The following AGBL4 variants were observed in gnomAD, a reference collection of about 807,000 sequenced individuals.
AGBL4 encodes the protein cytosolic carboxypeptidase 6.
AGBL4 carries 58 observed loss-of-function variants against 66.4 expected under a neutral mutation model. That is an observed-to-expected ratio of 0.87 (90% CI 0.71 to 1.09). AGBL4 has a LOEUF of 1.09. AGBL4 is among the 50% of genes least tolerant of loss of function. The pLI, the probability that AGBL4 is intolerant of heterozygous loss-of-function variation, is 0.00. For missense variants in AGBL4, 579 were observed against 631.0 expected, an observed-to-expected ratio of 0.92 and a Z score of 0.88; for synonymous variants, 234 against 222.9, an observed-to-expected ratio of 1.05 and a Z score of -0.44.
intron 3 of AGBL4, among the ~76,000 whole-genome samples, chr1:49,694,565 T>C (rs1392901737): frequency 6.6e-6 from 1 of 151,958 alleles, no homozygotes; most frequent in Non-Finnish European, 1.5e-5. Context: ...ACAGGGAAAA[T>C]ATTGGTCCCT....
At chr1:49,642,074 GA>G (rs1210610687) in intron 3 of AGBL4, among the ~76,000 whole-genome samples, 4 of 151,670 alleles carry the variant, frequency 2.6e-5, no homozygotes, top group African/African-American at 9.7e-5. Flanking sequence ...GGAGCAATTA[GA>G]GTAATATTTT....
At chr1:49,074,411 C>T (rs757759562) in intron 4 of AGBL4, among the ~76,000 whole-genome samples, 48 of 152,198 alleles carry the variant, frequency 3.2e-4, no homozygotes, top group Non-Finnish European at 6.3e-4. Context: ...ACTGTCCAAC[C>T]AGTCCCAATG....
At chr1:48,901,514 A>G (rs1652076715) in intron 5 of AGBL4, among the ~76,000 whole-genome samples, 2 of 152,336 alleles carry the variant, frequency 1.3e-5, no homozygotes, top group South Asian at 4.1e-4. Context: ...TGGTATATCT[A>G]TACAATAAAA....
chr1:49,918,110 G>A (rs1490003001), intron 1 of AGBL4, among the ~76,000 whole-genome samples: 2 of 152,040 alleles, frequency 1.3e-5, no homozygotes, highest in Non-Finnish European at 2.9e-5. Flanking sequence ...TTTATAGCAC[G>A]AAATGCCAAC....
At chr1:49,424,381 C>A (rs1487074524) in intron 3 of AGBL4, among the ~76,000 whole-genome samples, 1 of 152,154 alleles carries the variant, frequency 6.6e-6, no homozygotes, top group African/African-American at 2.4e-5. Context: ...TTATATTAGT[C>A]CTGCCTTAGG....
At chr1:49,893,328 A>G (rs1016575565) in intron 1 of AGBL4, among the ~76,000 whole-genome samples, 23 of 152,154 alleles carry the variant, frequency 1.5e-4, no homozygotes, top group African/African-American at 5.5e-4. Context: ...CACCAAATTT[A>G]ACAACTATCT....
intron 5 of AGBL4, among the ~76,000 whole-genome samples, chr1:49,044,031 GC>G (rs1644013271): frequency 6.6e-6 from 1 of 152,180 alleles, no homozygotes; most frequent in Non-Finnish European, 1.5e-5. Flanking sequence ...TGTCCAATAA[GC>G]CTCTTTTAGG....
At chr1:49,551,722 G>A (rs1652970395) in intron 3 of AGBL4, among the ~76,000 whole-genome samples, 1 of 152,210 alleles carries the variant, frequency 6.6e-6, no homozygotes, top group Non-Finnish European at 1.5e-5. Context: ...TGGACTCCAT[G>A]AGAGTTCTTA....
chr1:48,596,435 T>C (rs1448859381), intron 9 of AGBL4, among the ~76,000 whole-genome samples: 1 of 152,178 alleles, frequency 6.6e-6, no homozygotes, highest in Non-Finnish European at 1.5e-5. Context: ...ATTCTTTTCA[T>C]TATTAACTAA....
In AGBL4 at chr1:48,736,619, C is replaced by T. The variant is rs79132760; in HGVS notation, c.635-73378G>A. On this transcript the variant is annotated intron_variant, in intron 6 of 13. Coordinates refer to ENST00000371839, the MANE Select transcript of AGBL4 (RefSeq NM_032785.4). This position sits in a 1 kb window ranked among gnomAD's most constrained non-coding sequence, Gnocchi z 4.0. ...CGTAATAGCTATCATCTACTGAATACGTGTAGTGTGCCAGGCCTTATTCTA... is the reference window on the plus strand; with the variant it reads ...CGTAATAGCTATCATCTACTGAATATGTGTAGTGTGCCAGGCCTTATTCTA... Among the ~76,000 whole-genome samples the T allele has an allele frequency of 0.013, 1,979 of 152,280 alleles. 39 individuals carry two copies. The highest frequency in any genetic ancestry group is 0.045 in the African/African-American group (1,857 of 41,552).
chr1:49,184,226 C>T (rs1205400987), intron 4 of AGBL4, among the ~76,000 whole-genome samples: 3 of 152,160 alleles, frequency 2.0e-5, no homozygotes, highest in Admixed American at 6.6e-5. Flanking sequence ...AGTCCAAGGT[C>T]CCCAAGCTAA....
intron 2 of AGBL4, among the ~76,000 whole-genome samples, chr1:49,809,826 C>T (rs1471244216): frequency 6.6e-6 from 1 of 152,140 alleles, no homozygotes; most frequent in Non-Finnish European, 1.5e-5. Context: ...ATCTCAAGTA[C>T]TGCTGCTGGG....
chr1:48,628,374 A>G (rs1428247560), intron 9 of AGBL4, among the ~76,000 whole-genome samples: 5 of 151,980 alleles, frequency 3.3e-5, no homozygotes, highest in Non-Finnish European at 1.5e-5. Context: ...GACTACTCTG[A>G]TTTTCAAGAC....
chr1:48,975,061 G>T (rs1406583192), intron 5 of AGBL4, among the ~76,000 whole-genome samples: 1 of 152,086 alleles, frequency 6.6e-6, no homozygotes, highest in Non-Finnish European at 1.5e-5. Flanking sequence ...TGCTGTAAAA[G>T]ACACAGAATG....
intron 4 of AGBL4, among the ~76,000 whole-genome samples, chr1:49,116,481 T>C (rs562475141): frequency 5.9e-5 from 9 of 152,356 alleles, no homozygotes; most frequent in African/African-American, 1.9e-4. Flanking sequence ...TTTGATTTTT[T>C]GTCCTTGTGA....
intron 1 of AGBL4, among the ~76,000 whole-genome samples, chr1:49,855,220 A>T (rs1164850552): frequency 6.6e-6 from 1 of 151,998 alleles, no homozygotes; most frequent in Non-Finnish European, 1.5e-5. Context: ...TGATATAACA[A>T]ATATATATAT....
Position 49,972,722 on chromosome 1 carries a change from T to G in AGBL4, c.34+51041A>C, listed in dbSNP as rs555039489. On this transcript the variant is annotated intron_variant, in intron 1 of 13. Transcript: ENST00000371839. ...AAGTGTTCTATCATATTATTGTTGTTGTTAATCCCTTACTGTGCCTAATTT... is the reference window on the plus strand; with the variant it reads ...AAGTGTTCTATCATATTATTGTTGTGGTTAATCCCTTACTGTGCCTAATTT... Among the ~76,000 whole-genome samples the G allele has an allele frequency of 9.8e-5, 15 of 152,308 alleles. No homozygotes were observed. The South Asian group carries it at 3.1e-3, about 32-fold the overall frequency.
At chr1:49,030,527 G>A (rs952247537) in intron 5 of AGBL4, among the ~76,000 whole-genome samples, 1 of 152,090 alleles carries the variant, frequency 6.6e-6, no homozygotes, top group Non-Finnish European at 1.5e-5. Flanking sequence ...AGCATTACCA[G>A]CTGACCTCTG....
At chr1:49,937,537 A>G (rs1202410537) in intron 1 of AGBL4, among the ~76,000 whole-genome samples, 2 of 152,010 alleles carry the variant, frequency 1.3e-5, no homozygotes, top group Non-Finnish European at 2.9e-5. Flanking sequence ...CAGAATATAC[A>G]TTTTTTTCAG....
Sources: allele counts gnomAD v4.1 joint callset (sites outside exome capture counted in the v4.1 genomes callset), GRCh38; gene constraint gnomAD v4.1.1; non-coding constraint Gnocchi (gnomAD v3.1); transcripts MANE v1.5; gene names NCBI Gene and HGNC (gene_info 2026-07-23, HGNC 2026-07-21).